GUCA1C: variants seen among roughly 807,000 people sequenced by gnomAD.
The protein encoded by GUCA1C is guanylate cyclase activator 1C.
Under a neutral mutation model 16.2 loss-of-function variants are expected in GUCA1C, and 15 were observed. That is an observed-to-expected ratio of 0.93 (90% confidence interval 0.62 to 1.43). The LOEUF (loss-of-function observed/expected upper bound fraction) is 1.43. Among genes scored for constraint, GUCA1C ranks in the 40% most tolerant of loss-of-function variants. The pLI is 0.00. For synonymous variants in GUCA1C, 78 were observed against 85.4 expected (o/e 0.91, Z 0.48); for missense variants, 275 against 244.8 (o/e 1.12, Z -0.82).
intron 1 of GUCA1C, among the ~76,000 whole-genome samples, chr3:108,921,928 G>A (rs554906499): frequency 4.6e-5 from 7 of 151,870 alleles, no homozygotes; most frequent in South Asian, 2.1e-4. Context: ...TTTATCCCTC[G>A]CCACCCTCTA....
chr3:108,940,668 C>T (rs887068014), intron 1 of GUCA1C, among the ~76,000 whole-genome samples: 7 of 152,206 alleles, frequency 4.6e-5, no homozygotes, highest in Admixed American at 1.3e-4. Context: ...TGTAGAAACA[C>T]CTTTCGTTTG....
rs113955115 is a variant in GUCA1C at position 108,923,394 on chromosome 3, T to G, written c.205-2809A>C. ...GCTTGCCAATTATCCCAGCACCATTTGATGAATAGGGTGTTCTTTCCCCCA... is the reference window on the plus strand; with the variant it reads ...GCTTGCCAATTATCCCAGCACCATTGGATGAATAGGGTGTTCTTTCCCCCA... On this transcript the variant is annotated intron_variant, in intron 1 of 3. Coordinates refer to ENST00000261047, the MANE Select transcript of GUCA1C (RefSeq NM_005459.4). Among the ~76,000 whole-genome samples, 88 of 152,322 alleles carry G rather than the reference T, an allele frequency of 5.8e-4. 1 individual carries two copies. Among genetic ancestry groups the G allele is most frequent in the African/African-American group, 1.9e-3 (79 of 41,576 alleles).
intron 1 of GUCA1C, among the ~76,000 whole-genome samples, chr3:108,937,734 A>G (rs1049073580): frequency 3.9e-5 from 6 of 152,228 alleles, no homozygotes; most frequent in African/African-American, 9.6e-5. Context: ...GGCCCTACAC[A>G]GTGTTAACTA....
At chr3:108,951,210 C>G (rs1462885661) in intron 1 of GUCA1C, among the ~76,000 whole-genome samples, 1 of 152,018 alleles carries the variant, frequency 6.6e-6, no homozygotes, top group Admixed American at 6.5e-5. Context: ...TCTGGAGATT[C>G]ATCACACACC....
chr3:108,953,735 C>T lies in GUCA1C; in HGVS notation c.28G>A (p.Asp10Asn), dbSNP rs1478411182. Residue 10 changes from aspartate (D) to asparagine (N), a missense_variant, in exon 1 of 4, where the codon GAT becomes AAT. Physicochemically the swap from Asp to Asn is conservative, Grantham distance 23. Transcript: ENST00000261047. Reference sequence around the variant, plus strand: ...TCTTGTGTAGGAACTGCTTTCTGATCACCAGCTATAGATTTGCCATTCCCC... The same window carrying T: ...TCTTGTGTAGGAACTGCTTTCTGATTACCAGCTATAGATTTGCCATTCCCC... MGNGKSIAG[D>N]QKAVPTQETH... 1.2e-6 allele frequency: 2 copies of T among 1,612,954 alleles called. No homozygotes were observed. Among genetic ancestry groups the T allele is most frequent in the Admixed American group, 1.7e-5 (1 of 59,998 alleles).
intron 2 of GUCA1C, among the ~76,000 whole-genome samples, chr3:108,920,028 G>A (rs1946554776): frequency 6.6e-6 from 1 of 152,112 alleles, no homozygotes. Context: ...AAATACTTCA[G>A]TATAGCTCCC....
At chr3:108,916,020 A>G in intron 3 of GUCA1C, 107 bp downstream of exon 3, 1 of 1,396,020 alleles carries the variant, frequency 7.2e-7, no homozygotes, top group Non-Finnish European at 9.8e-7. Context: ...CTAAGTCACA[A>G]CTAGGGTTCT....
chr3:108,921,450 T>G (rs1457983912), intron 1 of GUCA1C, among the ~76,000 whole-genome samples: 1 of 152,200 alleles, frequency 6.6e-6, no homozygotes, highest in African/African-American at 2.4e-5. Context: ...TTAACCCCTT[T>G]GGACAAATAT....
intron 1 of GUCA1C, among the ~76,000 whole-genome samples, chr3:108,927,036 T>C (rs1216856534): frequency 6.6e-6 from 1 of 152,196 alleles, no homozygotes; most frequent in African/African-American, 2.4e-5. Flanking sequence ...TTGCTTTGTT[T>C]AAGGAGGCCA....
intron 3 of GUCA1C, among the ~76,000 whole-genome samples, chr3:108,910,284 G>A (rs1946436634): frequency 1.3e-5 from 2 of 152,106 alleles, no homozygotes; most frequent in African/African-American, 4.8e-5. Flanking sequence ...GGATCACGAG[G>A]TCAGGAGTTC....
At chr3:108,945,874 T>G (rs1482441434) in intron 1 of GUCA1C, among the ~76,000 whole-genome samples, 1 of 152,230 alleles carries the variant, frequency 6.6e-6, no homozygotes, top group African/African-American at 2.4e-5. Flanking sequence ...GACCCTCATA[T>G]AACCCAATGA....
chr3:108,914,505 C>A (rs1946487040), intron 3 of GUCA1C, among the ~76,000 whole-genome samples: 1 of 152,204 alleles, frequency 6.6e-6, no homozygotes, highest in African/African-American at 2.4e-5. Context: ...CTATTCCCCT[C>A]ACTCCTAGCA....
intron 1 of GUCA1C, among the ~76,000 whole-genome samples, chr3:108,934,558 T>G (rs980725699): frequency 5.3e-5 from 8 of 152,114 alleles, no homozygotes; most frequent in African/African-American, 1.9e-4. Flanking sequence ...CAAAAAGACG[T>G]ATGCACTTGT....
chr3:108,930,555 GTGGA>G (rs1946657980), intron 1 of GUCA1C, among the ~76,000 whole-genome samples: 2 of 152,294 alleles, frequency 1.3e-5, no homozygotes, highest in South Asian at 4.1e-4. Context: ...TTTCTACACT[GTGGA>G]TGTTTTACTT....
At chr3:108,916,286 G>A (rs552133598) in intron 2 of GUCA1C, 72 bp from the exon 3 acceptor site, 75 of 1,434,632 alleles carry the variant, frequency 5.2e-5, no homozygotes, top group Non-Finnish European at 6.8e-5. Flanking sequence ...TTTCTGCTCC[G>A]ATGTGACAGA....
rs540226084 is a variant in GUCA1C at position 108,924,970 on chromosome 3, G to GTAA, written c.205-4388_205-4386dup. On this transcript the variant is annotated intron_variant, in intron 1 of 3. Coordinates refer to ENST00000261047, the MANE Select transcript of GUCA1C (RefSeq NM_005459.4). ...ATTTTGTATTTCTGTGGTATCGGTT[G>GTAA]TAATATCTCCTGTTTCATTTCTAAT... 4.2e-3 allele frequency among the ~76,000 whole-genome samples: 636 copies of GTAA among 152,066 alleles called. 2 individuals carry two copies. The highest frequency in any genetic ancestry group is 0.014 in the African/African-American group (561 of 41,504).
At position 108,908,116 on chromosome 3, in the gene GUCA1C, A is replaced by T; in HGVS notation, c.536T>A (p.Leu179Gln). The change falls in exon 4 of 4, where the codon CTG (leucine) becomes CAG (glutamine). Residue 179 changes from leucine to glutamine, a missense_variant. Transcript: ENST00000261047. Reference protein sequence around the residue: ...VYKSFDFSNVLRVICNGKQPD... With the variant: ...VYKSFDFSNVQRVICNGKQPD... ...CTGCTTCCCATTACAGATTACTCTC[A>T]GCACATTGGAGAAGTCGAAGCTCTT... The T allele has an allele frequency of 6.2e-7, 1 of 1,613,490 alleles. No homozygotes were observed. The highest frequency in any genetic ancestry group is 8.5e-7 in the Non-Finnish European group (1 of 1,179,404).
At chr3:108,911,456 A>G (rs1946452313) in intron 3 of GUCA1C, among the ~76,000 whole-genome samples, 1 of 152,214 alleles carries the variant, frequency 6.6e-6, no homozygotes, top group Non-Finnish European at 1.5e-5. Flanking sequence ...GGGCTGGAAC[A>G]GTAGCAAAGA....
chr3:108,926,614 GGGACTACA>G (rs1553734516), intron 1 of GUCA1C, among the ~76,000 whole-genome samples: 1 of 152,084 alleles, frequency 6.6e-6, no homozygotes, highest in Non-Finnish European at 1.5e-5. Context: ...CCGAGTAGCT[GGGACTACA>G]GGTGCACGCC....
Sources: allele counts gnomAD v4.1 joint callset (sites outside exome capture counted in the v4.1 genomes callset), GRCh38; gene constraint gnomAD v4.1.1; transcripts MANE v1.5; gene names NCBI Gene and HGNC (gene_info 2026-07-23, HGNC 2026-07-21).